The following SLC28A1 variants were observed in gnomAD, a reference collection of about 807,000 sequenced individuals.
SLC28A1 encodes the protein sodium/nucleoside cotransporter 1.
SLC28A1 carries 64 observed loss-of-function variants against 74.8 expected under a neutral mutation model. The ratio of observed to expected loss-of-function variants is 0.86; its 90% CI spans 0.70 to 1.05. The LOEUF (loss-of-function observed/expected upper bound fraction) is 1.05. Among genes scored for constraint, SLC28A1 ranks in the 50% least tolerant of loss-of-function variants. The probability of loss-of-function intolerance (pLI) is 0.00; values close to 1 mark genes in which losing one functional copy is unlikely to be tolerated. For synonymous variants in SLC28A1, 359 were observed against 335.0 expected (o/e 1.07, Z -0.78); for missense variants, 828 against 822.8 (o/e 1.01, Z -0.08).
intron 10 of SLC28A1, among the ~76,000 whole-genome samples, chr15:84,920,394 C>T (rs1969662635): frequency 6.6e-6 from 1 of 150,884 alleles, no homozygotes; most frequent in African/African-American, 2.4e-5. Context: ...TGCAGTGAGC[C>T]AAGATTGTGC....
intron 9 of SLC28A1, among the ~76,000 whole-genome samples, chr15:84,911,981 C>A (rs2141847217): frequency 6.6e-6 from 1 of 152,208 alleles, no homozygotes; most frequent in East Asian, 1.9e-4. Context: ...TATCATTAAC[C>A]AGCCTCAGCA....
chr15:84,915,196 G>C (rs933213714), intron 9 of SLC28A1, among the ~76,000 whole-genome samples: 2 of 152,158 alleles, frequency 1.3e-5, no homozygotes, highest in Non-Finnish European at 2.9e-5. Flanking sequence ...GAGGAGTCAC[G>C]GGGCACAGTT....
At chr15:84,924,905 T>TA (rs1970299533) in intron 12 of SLC28A1, among the ~76,000 whole-genome samples, 1 of 144,438 alleles carries the variant, frequency 6.9e-6, no homozygotes, top group South Asian at 2.3e-4. Context: ...TAATTTTTTT[T>TA]GTTTGTTTGT....
At chr15:84,940,646 C>A (rs190921911) in intron 15 of SLC28A1, 46 of 155,138 alleles carry the variant, frequency 3.0e-4, no homozygotes, top group African/African-American at 1.0e-3. Flanking sequence ...TCCTTTAGCT[C>A]GGTATGCAGC....
intron 6 of SLC28A1, chr15:84,895,568 A>G (rs1965906898): frequency 6.5e-7 from 1 of 1,534,350 alleles, no homozygotes; most frequent in Non-Finnish European, 8.8e-7. Context: ...CTTGGACAAC[A>G]GTTTGAGATC....
intron 2 of SLC28A1, 138 bp from the exon 3 acceptor site, chr15:84,887,607 G>T (rs3743161): frequency 0.21 from 313,749 of 1,524,822 alleles, 34,007 homozygotes; most frequent in Non-Finnish European, 0.22. Flanking sequence ...GGATGGCATA[G>T]GTGGCCCCCA....
chr15:84,888,990 C>T (rs534857028), intron 4 of SLC28A1, 130 bp downstream of exon 4: 14 of 697,244 alleles, frequency 2.0e-5, no homozygotes, highest in South Asian at 7.9e-5. Context: ...GGAATAAAGG[C>T]GCTTTAGCCA....
chr15:84,926,776 C>G (rs1271395277), intron 12 of SLC28A1, among the ~76,000 whole-genome samples: 1 of 90,126 alleles, frequency 1.1e-5, no homozygotes, highest in East Asian at 4.0e-4. Flanking sequence ...CCCAGGCTCT[C>G]TGGATGCTGT....
At position 84,901,541 on chromosome 15, in the gene SLC28A1, A is replaced by C. The variant is rs914011028; in HGVS notation, c.462-2556A>C. Among the ~76,000 whole-genome samples the C allele has an allele frequency of 5.3e-5, 8 of 152,232 alleles. No individual in the cohort carries two copies. The South Asian group carries it at 1.0e-3, about 20-fold the overall frequency. On this transcript the variant is annotated intron_variant, in intron 6 of 18. Transcript: ENST00000394573. ...CAAAAAACAAACAAACAAACAAAAA[A>C]CAAAAAAAGGCTCAAGATATGAACA...
the SLC28A1 span, among the ~76,000 whole-genome samples, chr15:84,956,614 T>G: frequency 6.6e-6 from 1 of 150,682 alleles, no homozygotes; most frequent in African/African-American, 2.4e-5. Context: ...CACCTCAGCC[T>G]CCTGAGTAGC....
At chr15:84,932,079 T>C (rs192728438) in intron 12 of SLC28A1, among the ~76,000 whole-genome samples, 1 of 152,074 alleles carries the variant, frequency 6.6e-6, no homozygotes, top group Admixed American at 6.5e-5. Flanking sequence ...GCCATTTTGG[T>C]GTATTTCTTT....
chr15:84,963,374 C>G, the SLC28A1 span, among the ~76,000 whole-genome samples: 2 of 152,160 alleles, frequency 1.3e-5, no homozygotes, highest in African/African-American at 4.8e-5. Context: ...CAGGGAGCTT[C>G]CAATCTTCCA....
At chr15:84,885,872 C>T (rs539992365) in intron 1 of SLC28A1, among the ~76,000 whole-genome samples, 2 of 152,254 alleles carry the variant, frequency 1.3e-5, no homozygotes, top group East Asian at 3.9e-4. Flanking sequence ...ACTTGTAATG[C>T]TTTGGTAATT....
chr15:84,946,078 GTA>G (rs1288627400), downstream of SLC28A1, among the ~76,000 whole-genome samples: 24 of 20,438 alleles, frequency 1.2e-3, no homozygotes, highest in African/African-American at 4.1e-3. Flanking sequence ...ATATGTGTGT[GTA>G]TGTTCATATA....
chr15:84,975,387 C>G, the SLC28A1 span: 1 of 422,234 alleles, frequency 2.4e-6, no homozygotes, highest in South Asian at 1.7e-5. Flanking sequence ...TAACTCATGT[C>G]TTATTGCACT....
intron 6 of SLC28A1, among the ~76,000 whole-genome samples, chr15:84,903,022 G>A (rs912974341): frequency 6.6e-6 from 1 of 152,154 alleles, no homozygotes. Flanking sequence ...GAGCCACTGC[G>A]CCCAGCCACA....
At chr15:84,944,184 G>C (rs1471703952) in intron 16 of SLC28A1, among the ~76,000 whole-genome samples, 5 of 152,246 alleles carry the variant, frequency 3.3e-5, no homozygotes, top group Non-Finnish European at 7.3e-5. Context: ...AGTCCTGGCA[G>C]CTACACTGCC....
At chr15:84,952,196 A>G in the SLC28A1 span, among the ~76,000 whole-genome samples, 9 of 152,198 alleles carry the variant, frequency 5.9e-5, no homozygotes, top group Non-Finnish European at 1.0e-4. Context: ...ACTGCAAATT[A>G]TGTTGAGAGC....
intron 7 of SLC28A1, 45 bp downstream of exon 7, chr15:84,904,283 C>T (rs763435042): frequency 1.9e-6 from 3 of 1,611,112 alleles, no homozygotes; most frequent in Non-Finnish European, 2.5e-6. Context: ...GTTTGCCTCT[C>T]TCTTCTGCCC....
Sources: allele counts gnomAD v4.1 joint callset (sites outside exome capture counted in the v4.1 genomes callset), GRCh38; gene constraint gnomAD v4.1.1; transcripts MANE v1.5; gene names NCBI Gene and HGNC (gene_info 2026-07-23, HGNC 2026-07-21).